ANGPTL1: variants seen among roughly 807,000 people sequenced by gnomAD.
ANGPTL1 encodes angiopoietin like 1, also known as angiopoietin-related protein 1.
Under a neutral mutation model 46.7 loss-of-function variants are expected in ANGPTL1, and 36 were observed. The observed-to-expected ratio is 0.77, with a 90% CI of 0.59 to 1.02. The LOEUF is 1.02. ANGPTL1 is among the 50% of genes least tolerant of loss of function. ANGPTL1 has a pLI of 0.00. For synonymous variants in ANGPTL1, 221 were observed against 204.3 expected (o/e 1.08, Z -0.69); for missense variants, 571 against 594.7 (o/e 0.96, Z 0.41).
At position 178,865,093 on chromosome 1, in the gene ANGPTL1, C is replaced by T; in HGVS notation, c.684G>A (p.Gln228=). The change falls in exon 3 of 6, where the codon CAG becomes CAA. Residue 228 remains glutamine, a synonymous_variant. Transcript: ENST00000234816. The part of the protein sequence containing the change: ...VVPQHIPNSQ[Q]YTPGLLGGNE... ...TACCTCCCAGCAGACCAGGAGTATACTGTTGGCTGTTAGGAATATGTTGTG... is the reference window on the plus strand; with the variant it reads ...TACCTCCCAGCAGACCAGGAGTATATTGTTGGCTGTTAGGAATATGTTGTG... 6.4e-7 allele frequency: 1 copy of T among 1,562,058 alleles called. No individual in the cohort carries two copies. The highest frequency in any genetic ancestry group is 8.7e-7 in the Non-Finnish European group (1 of 1,151,966).
chr1:178,851,815 C>T (rs1351684741), intron 5 of ANGPTL1, among the ~76,000 whole-genome samples: 6 of 152,038 alleles, frequency 3.9e-5, no homozygotes, highest in African/African-American at 7.2e-5. Flanking sequence ...AAAATAGAGA[C>T]CTGTGTGCTG....
chr1:178,868,194 A>G (rs190296747), intron 2 of ANGPTL1, among the ~76,000 whole-genome samples: 479 of 152,070 alleles, frequency 3.1e-3, no homozygotes, highest in African/African-American at 0.01. Flanking sequence ...ATTTTTAAAA[A>G]TAGACTTTTA....
intron 5 of ANGPTL1, among the ~76,000 whole-genome samples, 168 bp from the exon 6 acceptor site, chr1:178,851,484 A>G (rs1243164277): frequency 2.0e-5 from 3 of 152,110 alleles, no homozygotes; most frequent in Non-Finnish European, 2.9e-5. Flanking sequence ...TGTTGCATCA[A>G]CTGCTTGAAA....
At chr1:178,851,507 T>C (rs1657173360) in intron 5 of ANGPTL1, among the ~76,000 whole-genome samples, 191 bp from the exon 6 acceptor site, 1 of 152,100 alleles carries the variant, frequency 6.6e-6, no homozygotes, top group African/African-American at 2.4e-5. Flanking sequence ...TCACTTGAAT[T>C]GCCTTTTTTT....
At chr1:178,851,483 A>G (rs1390429194) in intron 5 of ANGPTL1, among the ~76,000 whole-genome samples, 167 bp from the exon 6 acceptor site, 1 of 152,162 alleles carries the variant, frequency 6.6e-6, no homozygotes. Context: ...CTGTTGCATC[A>G]ACTGCTTGAA....
At chr1:178,859,252 A>G (rs953670418) in intron 3 of ANGPTL1, among the ~76,000 whole-genome samples, 2 of 152,154 alleles carry the variant, frequency 1.3e-5, no homozygotes, top group African/African-American at 2.4e-5. Flanking sequence ...AAATGTTAGT[A>G]TAAGTATTCC....
chr1:178,855,992 A>G (rs1392122150), intron 3 of ANGPTL1, among the ~76,000 whole-genome samples: 2 of 148,848 alleles, frequency 1.3e-5, no homozygotes, highest in African/African-American at 4.9e-5. Flanking sequence ...ATATATAAGA[A>G]CAAAATATAT....
chr1:178,853,314 A>T (rs1657304938), intron 4 of ANGPTL1: 1 of 735,526 alleles, frequency 1.4e-6, no homozygotes, highest in African/African-American at 1.9e-5. Context: ...AAAGAGCCCA[A>T]CATTTTTTTC....
At chr1:178,852,325 G>T (rs569129497) in intron 5 of ANGPTL1, among the ~76,000 whole-genome samples, 1 of 152,122 alleles carries the variant, frequency 6.6e-6, no homozygotes, top group East Asian at 1.9e-4. Flanking sequence ...TCCAAAGGGC[G>T]GGAACTTTGT....
Position 178,850,118 on chromosome 1 carries a change from T to G in ANGPTL1, c.*1011A>C, listed in dbSNP as rs973838567. 1.6e-4 allele frequency: 24 copies of G among 152,694 alleles called. No individual in the cohort carries two copies. Among genetic ancestry groups the G allele is most frequent in the African/African-American group, 5.5e-4 (23 of 41,458 alleles). The allele number at this position is 152,694 out of a possible 1,614,324, so 9.5% of individuals were successfully genotyped here. ...GCCCCTGTGGCTTCTGCTCTGGAGC[T>G]GTTGAATTCTCAGTATCGGGAAAAC... On this transcript the variant is annotated 3_prime_UTR_variant, in exon 6 of 6. Coordinates refer to ENST00000234816, the MANE Select transcript of ANGPTL1 (RefSeq NM_004673.4).
rs1025203833 is a variant in ANGPTL1 at position 178,853,716 on chromosome 1, C to A, written c.895G>T (p.Glu299Ter). ...AACTGCATTGGTCCATTGCTGTTTT[C>A]AGGTTTAATCATATAAATCCCACTG... ...SVSGIYMIKP[E>*]NSNGPMQLWC... The change falls in exon 4 of 6, where the codon GAA becomes TAA. Residue 299 changes from glutamate to a stop codon, truncating the protein, a stop_gained. Transcript: ENST00000234816. LOFTEE classifies it high-confidence loss of function. 3 of 1,611,366 alleles carry A rather than the reference C, an allele frequency of 1.9e-6. No individual in the cohort carries two copies. In the African/African-American group the frequency reaches 4.0e-5, roughly 22 times the overall value.
rs1657103411 is a variant in ANGPTL1, at chr1:178,850,508, T to C, written c.*621A>G. 6.6e-6 allele frequency: 1 copy of C among 152,068 alleles called. No individual in the cohort carries two copies. The highest frequency in any genetic ancestry group is 6.6e-5 in the Admixed American group (1 of 15,256). 9.4% of individuals were successfully genotyped at this position (152,068 alleles called of 1,614,324 possible). ...ATTATGCATGCATTATTTTTGGGTT[T>C]TTTTTTATTTTTAAAAATGATATGT... is the stretch of plus-strand genomic sequence containing the variant. On this transcript the variant is annotated 3_prime_UTR_variant, in exon 6 of 6. Transcript: ENST00000234816.
In ANGPTL1 at chr1:178,865,576, G is replaced by A. The variant is rs2102337083; in HGVS notation, c.201C>T (p.Asn67=). 1.2e-6 allele frequency: 2 copies of A among 1,614,082 alleles called. No individual in the cohort carries two copies. The highest frequency in any genetic ancestry group is 1.7e-6 in the Non-Finnish European group (2 of 1,179,990). Residue 67 remains asparagine (N), a synonymous_variant, in exon 3 of 6, where the codon AAC becomes AAT. Coordinates refer to ENST00000234816, the MANE Select transcript of ANGPTL1 (RefSeq NM_004673.4). ...EQRITGPICV[N]TKGQDASTIK... is the part of the protein sequence containing the mutation. ...TGGTACTTGCATCTTGCCCCTTGGT[G>A]TTGACACAGATTGGCCCTGTTATTC...
intron 5 of ANGPTL1, 44 bp from the exon 6 acceptor site, chr1:178,851,360 G>C (rs769209866): frequency 6.6e-7 from 1 of 1,525,386 alleles, no homozygotes; most frequent in Non-Finnish European, 8.8e-7. Flanking sequence ...GTTTCTTCTA[G>C]GTGTGGTACT....
chr1:178,851,553 A>C (rs1425462014), intron 5 of ANGPTL1, among the ~76,000 whole-genome samples: 2 of 151,520 alleles, frequency 1.3e-5, no homozygotes, highest in Non-Finnish European at 2.9e-5. Flanking sequence ...TTTTTTAAAA[A>C]GGGGGATTTA....
At position 178,865,119 on chromosome 1, in the gene ANGPTL1, G is replaced by T; in HGVS notation, c.658C>A (p.Pro220Thr). The change falls in exon 3 of 6, where the codon CCA (proline) becomes ACA (threonine). Residue 220 changes from proline (P) to threonine (T), a missense_variant. Pro to Thr is a conservative substitution (Grantham distance 38). Coordinates refer to ENST00000234816, the MANE Select transcript of ANGPTL1 (RefSeq NM_004673.4). ...TGTTGGCTGTTAGGAATATGTTGTG[G>T]CACCACCTGGACAAGTGGGGGAGAC... Reference protein sequence around the residue: ...HVSPPLVQVVPQHIPNSQQYT... With the variant: ...HVSPPLVQVVTQHIPNSQQYT... 1 of 1,582,032 alleles carries T rather than the reference G, an allele frequency of 6.3e-7. No individual in the cohort carries two copies. The highest frequency in any genetic ancestry group is 1.7e-5 in the Admixed American group (1 of 58,454).
At chr1:178,858,461 C>T (rs1657737504) in intron 3 of ANGPTL1, among the ~76,000 whole-genome samples, 1 of 152,088 alleles carries the variant, frequency 6.6e-6, no homozygotes, top group Non-Finnish European at 1.5e-5. Context: ...ATTGATTGAT[C>T]TGTGAATCAG....
chr1:178,865,841 A>G, intron 2 of ANGPTL1, 39 bp from the exon 3 acceptor site: 2 of 1,239,480 alleles, frequency 1.6e-6, no homozygotes, highest in East Asian at 2.3e-5. Flanking sequence ...AAAAGCAAAA[A>G]GAATTCATAT....
At chr1:178,863,401 T>C (rs1658166890) in intron 3 of ANGPTL1, among the ~76,000 whole-genome samples, 9 of 152,102 alleles carry the variant, frequency 5.9e-5, no homozygotes, top group Admixed American at 5.9e-4. Context: ...AATAAATAAC[T>C]TCAGTGTAAT....
Sources: gnomAD v4.1 joint callset for allele counts (sites outside exome capture counted in the v4.1 genomes callset) on GRCh38, gnomAD v4.1.1 for gene constraint, MANE v1.5 for transcripts, NCBI Gene and HGNC (gene_info 2026-07-23, HGNC 2026-07-21) for gene names.